Variants in DIAPH2 observed in about 807,000 individuals in gnomAD.
The protein encoded by DIAPH2 is diaphanous related formin 2, also known as protein diaphanous homolog 2.
In DIAPH2, 35 loss-of-function variants were observed where a neutral mutation model predicts 92.7. The ratio of observed to expected loss-of-function variants is 0.38; its 90% confidence interval spans 0.29 to 0.50. The LOEUF is 0.50. Ranked by LOEUF, DIAPH2 falls within the 20% of genes least tolerant of loss-of-function variation. The pLI is 0.94. For missense variants in DIAPH2, 701 were observed against 819.5 expected (o/e 0.86, Z 1.77); for synonymous variants, 301 against 280.4 (o/e 1.07, Z -0.73).
At chrX:97,459,949 G>T (rs2070444595) in intron 26 of DIAPH2, among the ~76,000 whole-genome samples, 1 of 111,600 alleles carries the variant, frequency 9.0e-6, no homozygotes, top group African/African-American at 3.3e-5. Flanking sequence ...TACCTCATGG[G>T]TTATTATGAG....
At chrX:96,811,885 G>C (rs2064685330) in intron 4 of DIAPH2, among the ~76,000 whole-genome samples, 1 of 111,815 alleles carries the variant, frequency 8.9e-6, no homozygotes, top group Admixed American at 9.5e-5. Flanking sequence ...TGATCATGGT[G>C]GATAAGCTTT....
Position 97,079,175 on chromosome X carries a change from T to C in DIAPH2, c.2247+3914T>C, listed in dbSNP as rs2066724818. 2.7e-5 allele frequency among the ~76,000 whole-genome samples: 3 copies of C among 111,069 alleles called. No homozygotes were observed. The South Asian group carries it at 1.1e-3, about 43-fold the overall frequency. Reference sequence around the variant, plus strand: ...CCACTCCCTATTGCATTTTACTTACTCTGACTCATTCCTAACCCCTATATA... The same window carrying C: ...CCACTCCCTATTGCATTTTACTTACCCTGACTCATTCCTAACCCCTATATA... On this transcript the variant is annotated intron_variant, in intron 19 of 26. Coordinates refer to ENST00000324765, the MANE Select transcript of DIAPH2 (RefSeq NM_006729.5).
intron 4 of DIAPH2, among the ~76,000 whole-genome samples, chrX:96,780,675 G>A (rs2064410224): frequency 9.1e-6 from 1 of 109,740 alleles, no homozygotes; most frequent in Admixed American, 9.7e-5. Flanking sequence ...GTAGAGACGG[G>A]GTTTCACCAT....
At chrX:97,512,015 T>C (rs1419313212) in intron 26 of DIAPH2, among the ~76,000 whole-genome samples, 3 of 113,703 alleles carry the variant, frequency 2.6e-5, no homozygotes, top group African/African-American at 9.7e-5. Flanking sequence ...AGGACGATGC[T>C]GGCCTCATAA....
chrX:97,053,235 C>T (rs1204413563), intron 17 of DIAPH2, among the ~76,000 whole-genome samples: 1 of 111,665 alleles, frequency 9.0e-6, no homozygotes, highest in Non-Finnish European at 1.9e-5. Context: ...CACTCAAGGT[C>T]AAAGCTGACT....
intron 4 of DIAPH2, among the ~76,000 whole-genome samples, chrX:96,806,889 C>T (rs908665846): frequency 3.7e-5 from 4 of 108,258 alleles, no homozygotes; most frequent in African/African-American, 6.7e-5. Context: ...TACAGGCGCC[C>T]GACACCACGC....
intron 17 of DIAPH2, among the ~76,000 whole-genome samples, chrX:97,016,011 G>A (rs1211928509): frequency 9.0e-6 from 1 of 111,694 alleles, no homozygotes; most frequent in Non-Finnish European, 1.9e-5. Context: ...TTAGAAGTAA[G>A]TAAAATGATT....
chrX:96,827,412 G>GA (rs1455795490), intron 4 of DIAPH2, among the ~76,000 whole-genome samples: 1 of 111,748 alleles, frequency 8.9e-6, no homozygotes. Flanking sequence ...TTATTGCAAA[G>GA]AAAAAATTAT....
intron 23 of DIAPH2, among the ~76,000 whole-genome samples, chrX:97,279,337 C>G (rs1411881180): frequency 3.0e-5 from 3 of 98,826 alleles, no homozygotes; most frequent in African/African-American, 7.6e-5. Context: ...GAGTCTTGCT[C>G]TGTCACCCAC....
chrX:97,125,619 T>C (rs185433669), intron 21 of DIAPH2, among the ~76,000 whole-genome samples: 6 of 111,115 alleles, frequency 5.4e-5, no homozygotes, highest in African/African-American at 1.6e-4. Context: ...TTGTTTTCTG[T>C]AGAGAACTCA....
At chrX:97,159,160 A>G (rs1454926395) in intron 22 of DIAPH2, among the ~76,000 whole-genome samples, 1 of 111,907 alleles carries the variant, frequency 8.9e-6, no homozygotes, top group Non-Finnish European at 1.9e-5. Context: ...CAGCATTTCC[A>G]TTACAAACCC....
chrX:96,877,450 C>T (rs754569256), intron 4 of DIAPH2, among the ~76,000 whole-genome samples: 2 of 111,603 alleles, frequency 1.8e-5, no homozygotes, highest in East Asian at 5.7e-4. Context: ...ATTGCCCATC[C>T]TATTTGAAGA....
chrX:97,399,652 G>T (rs2069736360), intron 25 of DIAPH2, among the ~76,000 whole-genome samples: 1 of 111,767 alleles, frequency 8.9e-6, no homozygotes, highest in African/African-American at 3.3e-5. Flanking sequence ...TAAATAAGGT[G>T]GTGAGAACTG....
At chrX:96,691,181 T>A (rs2147514583) in intron 1 of DIAPH2, among the ~76,000 whole-genome samples, 1 of 111,793 alleles carries the variant, frequency 8.9e-6, no homozygotes, top group African/African-American at 3.2e-5. Context: ...TGTTACTGGG[T>A]ACCACTAGCA....
chrX:97,141,381 T>G (rs2067207707), intron 21 of DIAPH2, among the ~76,000 whole-genome samples: 1 of 111,564 alleles, frequency 9.0e-6, no homozygotes. Flanking sequence ...CTTAAATGGA[T>G]GTTCTTCTCT....
At chrX:96,756,595 G>A (rs184335303) in intron 3 of DIAPH2, among the ~76,000 whole-genome samples, 3 of 111,535 alleles carry the variant, frequency 2.7e-5, no homozygotes, top group Non-Finnish European at 5.6e-5. Context: ...GAACATTCGT[G>A]TGCAAGTTTT....
intron 5 of DIAPH2, among the ~76,000 whole-genome samples, chrX:96,897,236 T>C (rs1310953260): frequency 9.0e-6 from 1 of 111,411 alleles, no homozygotes; most frequent in Non-Finnish European, 1.9e-5. Context: ...GGATGAGTTC[T>C]ATAGTGTTGA....
chrX:97,583,759 G>A (rs2071458849), intron 26 of DIAPH2, among the ~76,000 whole-genome samples: 1 of 110,699 alleles, frequency 9.0e-6, no homozygotes, highest in African/African-American at 3.3e-5. Context: ...AATGGCGGGC[G>A]CCCCTCCCCC....
chrX:97,149,371 A>G (rs1008505878), intron 22 of DIAPH2, among the ~76,000 whole-genome samples: 1 of 111,559 alleles, frequency 9.0e-6, no homozygotes, highest in Admixed American at 9.6e-5. Context: ...CTGAGTATAC[A>G]TATTACTACA....
Sources: allele counts gnomAD v4.1 joint callset (sites outside exome capture counted in the v4.1 genomes callset), GRCh38; gene constraint gnomAD v4.1.1; transcripts MANE v1.5; gene names NCBI Gene and HGNC (gene_info 2026-07-23, HGNC 2026-07-21).